DPP10: variants seen among roughly 807,000 people sequenced by gnomAD.
DPP10 encodes the protein inactive dipeptidyl peptidase 10.
DPP10 carries 33 observed loss-of-function variants against 120.9 expected under a neutral mutation model. The ratio of observed to expected loss-of-function variants is 0.27; its 90% CI spans 0.21 to 0.37. DPP10 has a LOEUF of 0.37. DPP10 is among the 10% of genes least tolerant of loss of function. The pLI is 1.00. For missense variants in DPP10, 816 were observed against 942.8 expected (o/e 0.87, Z 1.76); for synonymous variants, 337 against 326.1 (o/e 1.03, Z -0.36).
intron 1 of DPP10, among the ~76,000 whole-genome samples, chr2:114,996,226 T>A (rs7570895): frequency 0.65 from 98,423 of 152,036 alleles, 33,808 homozygotes; most frequent in Non-Finnish European, 0.77. Flanking sequence ...GGTGTAATCA[T>A]CTGTCACTCT....
chr2:114,557,164 T>C (rs956760419), intron 1 of DPP10, among the ~76,000 whole-genome samples: 1 of 152,140 alleles, frequency 6.6e-6, no homozygotes, highest in Non-Finnish European at 1.5e-5. Context: ...TTTTTCTCTC[T>C]AGTAGTAGTC....
chr2:115,182,903 T>C (rs189277100), intron 1 of DPP10, among the ~76,000 whole-genome samples: 13 of 152,314 alleles, frequency 8.5e-5, no homozygotes, highest in Admixed American at 7.8e-4. Flanking sequence ...CAGGATGTCC[T>C]GAGTGGTAAA....
intron 1 of DPP10, chr2:114,833,461 A>G (rs1687322279): frequency 6.6e-6 from 1 of 152,204 alleles, no homozygotes; most frequent in African/African-American, 2.4e-5. Context: ...TTATTTAGCC[A>G]TCAGACCAAA....
chr2:115,683,655 C>A (rs1277826915), intron 5 of DPP10, among the ~76,000 whole-genome samples: 3 of 151,666 alleles, frequency 2.0e-5, no homozygotes, highest in African/African-American at 7.2e-5. Flanking sequence ...CCTAAAAGTG[C>A]TCTAAATGTG....
intron 1 of DPP10, among the ~76,000 whole-genome samples, chr2:115,052,592 C>T (rs767209898): frequency 1.1e-4 from 16 of 152,106 alleles, no homozygotes; most frequent in Non-Finnish European, 1.9e-4. Context: ...CATCATTAGT[C>T]ATTAGAGAAA....
At chr2:114,807,807 A>G (rs1351530018) in intron 1 of DPP10, among the ~76,000 whole-genome samples, 2 of 152,208 alleles carry the variant, frequency 1.3e-5, no homozygotes, top group African/African-American at 2.4e-5. Context: ...CAAACAAAGT[A>G]TAGCTTGGAG....
Position 114,535,716 on chromosome 2 carries a change from G to GT in DPP10, c.60+92887dup, listed in dbSNP as rs202085273. Among the ~76,000 whole-genome samples, 475 of 150,902 alleles carry GT rather than the reference G, an allele frequency of 3.1e-3. 4 individuals carry two copies. The highest frequency in any genetic ancestry group is 0.011 in the African/African-American group (442 of 41,144). On this transcript the variant is annotated intron_variant, in intron 1 of 25. Transcript: ENST00000410059. ...CTACCTCTTTGATTGCTGTCAGACA[G>GT]TTTTTTTTTCTGAATTACAAATATG...
At chr2:114,876,330 C>T (rs537541163) in intron 1 of DPP10, among the ~76,000 whole-genome samples, 4 of 152,118 alleles carry the variant, frequency 2.6e-5, no homozygotes, top group East Asian at 3.9e-4. Context: ...TTGTTCTATT[C>T]GGTGGACTTC....
At position 115,696,155 on chromosome 2, in the gene DPP10, TTAGAAG is replaced by T. The variant is rs530080780; in HGVS notation, c.576+6241_576+6246del. Among the ~76,000 whole-genome samples, 20 of 152,180 alleles carry T rather than the reference TTAGAAG, an allele frequency of 1.3e-4. No homozygotes were observed. The South Asian group carries it at 4.1e-3, about 32-fold the overall frequency. On this transcript the variant is annotated intron_variant, in intron 7 of 25. Coordinates refer to ENST00000410059, the MANE Select transcript of DPP10 (RefSeq NM_020868.6). The stretch of plus-strand genomic sequence containing the variant: ...GGGCAACATAAGGATTATGGGAATG[TTAGAAG>T]TAGAAGAGGGAGATGAAGGGGTAGA...
At chr2:115,187,066 T>G (rs936838747) in intron 1 of DPP10, among the ~76,000 whole-genome samples, 1 of 129,598 alleles carries the variant, frequency 7.7e-6, no homozygotes, top group Non-Finnish European at 1.6e-5. Flanking sequence ...GAGACGGAGT[T>G]TCGCTCTGTC....
chr2:115,086,747 G>A (rs2104529187), intron 1 of DPP10, among the ~76,000 whole-genome samples: 1 of 152,098 alleles, frequency 6.6e-6, no homozygotes, highest in African/African-American at 2.4e-5. Flanking sequence ...GAGCCACCGT[G>A]CCCAGCCAAA....
chr2:114,954,785 C>T (rs1235517379), intron 1 of DPP10, among the ~76,000 whole-genome samples: 1 of 152,002 alleles, frequency 6.6e-6, no homozygotes, highest in Non-Finnish European at 1.5e-5. Context: ...GGAGATACTA[C>T]AGCTGAAACC....
At chr2:115,697,383 G>A (rs1158449561) in intron 7 of DPP10, among the ~76,000 whole-genome samples, 1 of 148,232 alleles carries the variant, frequency 6.7e-6, no homozygotes, top group Non-Finnish European at 1.5e-5. Context: ...TAAAAGAATG[G>A]AAAGAGATAT....
intron 1 of DPP10, among the ~76,000 whole-genome samples, chr2:115,100,546 ATGTG>A (rs1234977351): frequency 6.6e-6 from 1 of 151,988 alleles, no homozygotes; most frequent in Non-Finnish European, 1.5e-5. Flanking sequence ...GTATATACGT[ATGTG>A]TGTATGTACA....
chr2:115,251,902 TA>T (rs1242416036), intron 1 of DPP10, among the ~76,000 whole-genome samples: 2 of 152,224 alleles, frequency 1.3e-5, no homozygotes, highest in Non-Finnish European at 2.9e-5. Context: ...AAAATGGTTT[TA>T]GGTAGATTTT....
At chr2:115,601,366 C>T (rs1031474316) in intron 5 of DPP10, among the ~76,000 whole-genome samples, 1 of 152,182 alleles carries the variant, frequency 6.6e-6, no homozygotes, top group Admixed American at 6.5e-5. Context: ...AACCCTATCA[C>T]TCTTGTAACA....
intron 2 of DPP10, among the ~76,000 whole-genome samples, chr2:115,342,591 G>A (rs562586368): frequency 1.7e-4 from 26 of 152,266 alleles, no homozygotes; most frequent in Admixed American, 1.4e-3. Flanking sequence ...ATCCTTTACA[G>A]TACTGCACTT....
At chr2:115,288,662 C>G (rs1233464456) in intron 1 of DPP10, among the ~76,000 whole-genome samples, 2 of 151,986 alleles carry the variant, frequency 1.3e-5, no homozygotes, top group East Asian at 3.9e-4. Context: ...AACGAGGTTG[C>G]AGTGAGCTGA....
chr2:115,340,775 A>AT (rs2063404686), intron 2 of DPP10, among the ~76,000 whole-genome samples: 2 of 151,602 alleles, frequency 1.3e-5, no homozygotes, highest in African/African-American at 4.8e-5. Flanking sequence ...AATACAGTTA[A>AT]TTTTTTAAAT....
Sources: gnomAD v4.1 joint callset for allele counts (sites outside exome capture counted in the v4.1 genomes callset) on GRCh38, gnomAD v4.1.1 for gene constraint, MANE v1.5 for transcripts, NCBI Gene and HGNC (gene_info 2026-07-23, HGNC 2026-07-21) for gene names.